Variants in GALK1 observed in about 807,000 individuals in gnomAD.
GALK1 encodes galactokinase 1.
Under a neutral mutation model 38.6 loss-of-function variants are expected in GALK1, and 30 were observed. The observed-to-expected ratio is 0.78, with a 90% CI of 0.58 to 1.05. The LOEUF (loss-of-function observed/expected upper bound fraction) is 1.05, where lower values mean the gene tolerates loss of function less well. Among genes scored for constraint, GALK1 ranks in the 50% least tolerant of loss-of-function variants. GALK1 has a pLI of 0.00. For synonymous variants in GALK1, 240 were observed against 233.6 expected, an observed-to-expected ratio of 1.03 and a Z score of -0.25; for missense variants, 512 against 540.5, an observed-to-expected ratio of 0.95 and a Z score of 0.52.
At chr17:75,764,457 C>A (rs1276906757) in intron 1 of GALK1, 1 of 559,022 alleles carries the variant, frequency 1.8e-6, no homozygotes, top group African/African-American at 1.9e-5. Flanking sequence ...GCGGAAAGCG[C>A]CCCCCGCTGA....
chr17:75,764,288 G>GGCTGCAGCTGGAGCACAGACCTGGAC, intron 1 of GALK1: 1 of 759,428 alleles, frequency 1.3e-6, no homozygotes, highest in Non-Finnish European at 2.4e-6. Flanking sequence ...GGGGCGGGGC[G>GGCTGCAGCTGGAGCACAGACCTGGAC]GCTGCAGCTG....
At position 75,764,395 on chromosome 17, in the gene GALK1, T is replaced by C. The variant is rs752247414; in HGVS notation, c.166-309A>G. 6.4e-6 allele frequency: 4 copies of C among 628,174 alleles called. No individual in the cohort carries two copies. In the Admixed American group the frequency reaches 7.3e-5, roughly 11 times the overall value. 38.9% of individuals were successfully genotyped at this position (628,174 alleles called of 1,614,324 possible). On this transcript the variant is annotated intron_variant, in intron 1 of 7. Coordinates refer to ENST00000588479, the MANE Select transcript of GALK1 (RefSeq NM_000154.2). Reference sequence around the variant, plus strand: ...CTGGAGCTCCAAAGCCTTTACATTTTGGGGTGGCTCTGGACATCCTGTACC... The same window carrying C: ...CTGGAGCTCCAAAGCCTTTACATTTCGGGGTGGCTCTGGACATCCTGTACC...
chr17:75,754,464 A>T, downstream of GALK1: 4 of 1,401,308 alleles, frequency 2.9e-6, no homozygotes, highest in Non-Finnish European at 4.0e-6. Context: ...GGTTGTATTT[A>T]AGCAAAAGCC....
At chr17:75,758,161 C>T (rs771909437) in intron 7 of GALK1, 34 bp from the exon 8 acceptor site, 1 of 1,610,444 alleles carries the variant, frequency 6.2e-7, no homozygotes, top group African/African-American at 1.3e-5. Flanking sequence ...AGTGGCAGGG[C>T]CCCGGGAAGC....
downstream of GALK1, chr17:75,754,380 CT>C: frequency 1.6e-6 from 1 of 643,916 alleles, no homozygotes; most frequent in African/African-American, 1.8e-5. Flanking sequence ...AGGATATGGG[CT>C]GTGGAAGCCT....
At chr17:75,757,819 G>T, downstream of GALK1, 1 of 661,832 alleles carries the variant, frequency 1.5e-6, no homozygotes, top group Non-Finnish European at 2.6e-6. Flanking sequence ...GCTACTGCTA[G>T]GCCCTGCCTT....
At chr17:75,762,248 T>TC (rs1410457436) in intron 5 of GALK1, among the ~76,000 whole-genome samples, 2 of 151,366 alleles carry the variant, frequency 1.3e-5, no homozygotes, top group Non-Finnish European at 2.9e-5. Flanking sequence ...GCTCAAGAGT[T>TC]CAAGTTTGCA....
chr17:75,761,630 GAA>G (rs76350654), intron 5 of GALK1, among the ~76,000 whole-genome samples: 1 of 61,458 alleles, frequency 1.6e-5, no homozygotes, highest in African/African-American at 5.8e-5. Flanking sequence ...AAAAAAAAAA[GAA>G]AAAAAAAAAA....
At chr17:75,757,051 C>T, downstream of GALK1, 1 of 1,612,984 alleles carries the variant, frequency 6.2e-7, no homozygotes, top group South Asian at 1.1e-5. Context: ...GCCAGGACCA[C>T]TGAGGGCTTC....
At chr17:75,754,531 G>A, downstream of GALK1, 1 of 1,611,984 alleles carries the variant, frequency 6.2e-7, no homozygotes, top group African/African-American at 1.3e-5. Context: ...ACGGGGCCCG[G>A]GTCTGGGGCA....
downstream of GALK1, chr17:75,757,321 AGG>A: frequency 6.2e-7 from 1 of 1,612,486 alleles, no homozygotes; most frequent in Non-Finnish European, 8.5e-7. Flanking sequence ...GTGAGCACTG[AGG>A]GCTAGGGGAT....
chr17:75,755,142 T>TC (rs755667096), downstream of GALK1: 2 of 1,610,818 alleles, frequency 1.2e-6, no homozygotes, highest in Non-Finnish European at 1.7e-6. Flanking sequence ...ATGAAAGGGT[T>TC]CCCCCCTTCC....
intron 8 of GALK1, chr17:75,752,267 A>G (rs1281303833): frequency 6.2e-7 from 1 of 1,613,500 alleles, no homozygotes; most frequent in South Asian, 1.1e-5. Flanking sequence ...CCCTACCGCT[A>G]CACGGTGAAG....
intron 5 of GALK1, 62 bp from the exon 6 acceptor site, chr17:75,758,661 G>T: frequency 6.5e-7 from 1 of 1,539,768 alleles, no homozygotes; most frequent in Non-Finnish European, 8.7e-7. Flanking sequence ...ACGCCTGTGA[G>T]GACCAGCAGG....
chr17:75,763,810 G>C, intron 2 of GALK1, 87 bp downstream of exon 2: 1 of 1,258,632 alleles, frequency 7.9e-7, no homozygotes. Flanking sequence ...CTTCCCCACA[G>C]TGTATCAGAC....
downstream of GALK1, chr17:75,754,433 C>A: frequency 9.9e-7 from 1 of 1,013,360 alleles, no homozygotes; most frequent in Non-Finnish European, 1.5e-6. Context: ...GGCCTCTGTC[C>A]CTAGTGGTTT....
chr17:75,758,050 G>T lies in GALK1; in HGVS notation c.*6C>A, dbSNP rs765368371. 10 of 1,612,752 alleles carry T rather than the reference G, an allele frequency of 6.2e-6. No homozygotes were observed. The highest frequency in any genetic ancestry group is 8.5e-6 in the Non-Finnish European group (10 of 1,179,964). ...CACCCTCACCGTGTGCTGTCCTGGGGGTGCCTCACAAGCACAGCACCTTGG... is the reference window on the plus strand; with the variant it reads ...CACCCTCACCGTGTGCTGTCCTGGGTGTGCCTCACAAGCACAGCACCTTGG... On this transcript the variant is annotated 3_prime_UTR_variant, in exon 8 of 8. Coordinates refer to ENST00000588479, the MANE Select transcript of GALK1 (RefSeq NM_000154.2).
chr17:75,754,364 G>A (rs536159625), downstream of GALK1: 1 of 621,880 alleles, frequency 1.6e-6, no homozygotes, highest in Non-Finnish European at 2.8e-6. Context: ...TAGAGTGGCC[G>A]GCCAGAGGAT....
At chr17:75,764,120 C>A in intron 1 of GALK1, 34 bp from the exon 2 acceptor site, 1 of 1,547,290 alleles carries the variant, frequency 6.5e-7, no homozygotes, top group Non-Finnish European at 8.7e-7. Context: ...GTGAGGCTTC[C>A]GCCAGCTGGA....
Sources: gnomAD v4.1 joint callset for allele counts (sites outside exome capture counted in the v4.1 genomes callset) on GRCh38, gnomAD v4.1.1 for gene constraint, MANE v1.5 for transcripts, NCBI Gene and HGNC (gene_info 2026-07-23, HGNC 2026-07-21) for gene names.